The following CACNA1F variants were observed in gnomAD, a reference collection of about 807,000 sequenced individuals.
CACNA1F encodes voltage-dependent L-type calcium channel subunit alpha-1F.
A neutral mutation model predicts 143.8 loss-of-function variants in CACNA1F; 59 were observed. The observed-to-expected ratio is 0.41, with a 90% CI of 0.33 to 0.51. The LOEUF (loss-of-function observed/expected upper bound fraction) is 0.51. Ranked by LOEUF, CACNA1F falls within the 20% of genes least tolerant of loss-of-function variation. CACNA1F has a pLI of 0.22. For missense variants in CACNA1F, 1,411 were observed against 1,647.5 expected (o/e 0.86, Z 2.48); for synonymous variants, 643 against 649.1 (o/e 0.99, Z 0.14).
rs781820775 is a variant in CACNA1F at position 49,212,689 on chromosome X, C to T, written c.3920G>A (p.Trp1307Ter). 1 of 1,209,664 alleles carries T rather than the reference C, an allele frequency of 8.3e-7. No homozygotes were observed. The highest frequency in any genetic ancestry group is 1.8e-5 in the South Asian group (1 of 56,608). Residue 1307 changes from tryptophan (W) to a stop codon, truncating the protein, a stop_gained, in exon 33 of 48, where the codon TGG (tryptophan) becomes TAG (stop). Coordinates refer to ENST00000323022, the MANE Select transcript of CACNA1F (RefSeq NM_001256789.3). LOFTEE classifies it high-confidence loss of function. The part of the protein sequence containing the change: ...SKGEGIRTLL[W>*]TFIKSFQALP... ...TACCTGGAAGGACTTGATGAATGTC[C>T]AGAGCAATGTGCGGATCCCTTCACC...
At chrX:49,209,509 G>A (rs1479913228) in intron 41 of CACNA1F, 116 bp from the exon 42 acceptor site, 28 of 1,120,465 alleles carry the variant, frequency 2.5e-5, no homozygotes, top group Non-Finnish European at 2.9e-5. Context: ...GGCCCTCCGT[G>A]AGGCCTGGGG....
At chrX:49,228,789 G>A (rs1267507986) in intron 6 of CACNA1F, among the ~76,000 whole-genome samples, 1 of 112,137 alleles carries the variant, frequency 8.9e-6, no homozygotes, top group Non-Finnish European at 1.9e-5. Context: ...GGTTGGTCTC[G>A]AACTCCTGAC....
At chrX:49,223,214 G>T in intron 14 of CACNA1F, 78 bp from the exon 15 acceptor site, 1 of 665,628 alleles carries the variant, frequency 1.5e-6, no homozygotes, top group Non-Finnish European at 2.4e-6. Flanking sequence ...CCAGGGCAGG[G>T]CTCCAGCTTG....
At position 49,207,346 on chromosome X, in the gene CACNA1F, C is replaced by A. The variant is rs781811664; in HGVS notation, c.5124-234G>T. On this transcript the variant is annotated intron_variant, in intron 43 of 47. Coordinates refer to ENST00000323022, the MANE Select transcript of CACNA1F (RefSeq NM_001256789.3). The stretch of plus-strand genomic sequence containing the variant: ...AAGTTTCAAAAAAATCAAAGTTGAC[C>A]TGTAGAGAGACACCTTGAACACAAA... Among the ~76,000 whole-genome samples the A allele has an allele frequency of 1.7e-3, 186 of 112,040 alleles. 1 individual carries two copies. The highest frequency in any genetic ancestry group is 5.6e-3 in the African/African-American group (173 of 30,857).
chrX:49,215,459 A>G lies in CACNA1F; in HGVS notation c.3321T>C (p.Ile1107=). Residue 1107 remains isoleucine, a synonymous_variant, in exon 28 of 48, where the codon ATT becomes ATC. Coordinates refer to ENST00000323022, the MANE Select transcript of CACNA1F (RefSeq NM_001256789.3). ...AGAACGCAATGATGATGATGTAGAC[A>G]ATGAAGAACACTGAGATCTCCACAC... ...NYRVEISVFF[I]VYIIIIAFFM... 8.4e-7 allele frequency: 1 copy of G among 1,193,922 alleles called. No individual in the cohort carries two copies. The highest frequency in any genetic ancestry group is 1.1e-6 in the Non-Finnish European group (1 of 884,538).
rs33910054 is a variant in CACNA1F, at chrX:49,205,282, C to T, written c.5756G>A (p.Arg1919His). 0.088 allele frequency: 106,387 copies of T among 1,206,688 alleles called. 3,568 individuals carry two copies. Among genetic ancestry groups the T allele is most frequent in the South Asian group, 0.22 (12,413 of 56,576 alleles). The change falls in exon 48 of 48, where the codon CGC becomes CAC. Residue 1919 changes from arginine to histidine, a missense_variant. By Grantham distance (29) the Arg-to-His change is conservative. This residue lies in a region of CACNA1F where 349 missense variants were observed against 350.2 expected (regional missense o/e 1.00). Coordinates refer to ENST00000323022, the MANE Select transcript of CACNA1F (RefSeq NM_001256789.3). Reference protein sequence around the residue: ...LAKQEIADACRLTLDEMDNAA... With the variant: ...LAKQEIADACHLTLDEMDNAA... ...ATTGTCCATCTCATCCAGCGTCAGG[C>T]GACACGCATCTGCAATCTCCTGCTT...
Position 49,227,047 on chromosome X carries a change from T to G in CACNA1F, c.1199A>C (p.Asp400Ala). ...KQREKQQMEEDLRGYLDWITQ... is the reference protein window; with the variant it reads ...KQREKQQMEEALRGYLDWITQ... ...GATCCAGTCCAGGTAGCCCCGCAGG[T>G]CTTCCTCCATCTGCTGCTTCTCCCG... Residue 400 changes from aspartate to alanine, a missense_variant, in exon 9 of 48, where the codon GAC (aspartate) becomes GCC (alanine). Coordinates refer to ENST00000323022, the MANE Select transcript of CACNA1F (RefSeq NM_001256789.3). 2 of 1,208,318 alleles carry G rather than the reference T, an allele frequency of 1.7e-6. No individual in the cohort carries two copies. The highest frequency in any genetic ancestry group is 1.1e-6 in the Non-Finnish European group (1 of 893,319).
rs201174690 is a variant in CACNA1F at position 49,228,312 on chromosome X, A to G, written c.953T>C (p.Phe318Ser). 1.2e-4 allele frequency: 146 copies of G among 1,210,529 alleles called. No individual in the cohort carries two copies. Among genetic ancestry groups the G allele is most frequent in the Non-Finnish European group, 1.6e-4 (142 of 895,075 alleles). ...GGITNFDNFF[F>S]AMLTVFQCVT... is the part of the protein sequence containing the mutation. ...ACACTGGAAGACTGTCAGCATGGCG[A>G]AGAAGAAGTTGTCAAAGTTGGTGAT... Residue 318 changes from phenylalanine (F) to serine (S), a missense_variant, in exon 7 of 48, where the codon TTC becomes TCC. By Grantham distance (155) the Phe-to-Ser change is radical. Coordinates refer to ENST00000323022, the MANE Select transcript of CACNA1F (RefSeq NM_001256789.3).
rs372947982 is a variant in CACNA1F, at chrX:49,205,325, G to A, written c.5713C>T (p.Arg1905Cys). 14 of 1,206,325 alleles carry A rather than the reference G, an allele frequency of 1.2e-5. No individual in the cohort carries two copies. The highest frequency in any genetic ancestry group is 3.0e-5 in the East Asian group (1 of 33,644). ...TCCTGCTTGGCCAGGGCCACGAAAC[G>A]TGGGTCTCGAGCAAAGAGGCCCAGA... is the stretch of plus-strand genomic sequence containing the variant. Reference protein sequence around the residue: ...EGLGLFARDPRFVALAKQEIA... With the variant: ...EGLGLFARDPCFVALAKQEIA... The change falls in exon 48 of 48, where the codon CGT becomes TGT. Residue 1905 changes from arginine to cysteine, a missense_variant. Transcript: ENST00000323022.
rs1044834788 is a variant in CACNA1F, at chrX:49,226,065, G to A, written c.1495C>T (p.Arg499Cys). 2 of 1,190,219 alleles carry A rather than the reference G, an allele frequency of 1.7e-6. No homozygotes were observed. Among genetic ancestry groups the A allele is most frequent in the East Asian group, 6.1e-5 (2 of 32,642 alleles). Residue 499 changes from arginine to cysteine, a missense_variant, in exon 13 of 48, where the codon CGC (arginine) becomes TGC (cysteine). Physicochemically the swap from Arg to Cys is radical, Grantham distance 180. This residue lies in a region of CACNA1F where 950 missense variants were observed against 1,128.1 expected (regional missense o/e 0.84). Coordinates refer to ENST00000323022, the MANE Select transcript of CACNA1F (RefSeq NM_001256789.3). The part of the protein sequence containing the change: ...NKIMKTRVCR[R>C]LRRANRVLRA... ...AGGACCCGGTTGGCTCGGCGGAGGCGGCGGCTGGGGGAAGGGGAGCCCACA... is the reference window on the plus strand; with the variant it reads ...AGGACCCGGTTGGCTCGGCGGAGGCAGCGGCTGGGGGAAGGGGAGCCCACA...
intron 26 of CACNA1F, 25 bp from the exon 27 acceptor site, chrX:49,216,553 T>A: frequency 8.4e-7 from 1 of 1,192,011 alleles, no homozygotes; most frequent in African/African-American, 1.7e-5. Context: ...ACAGGTTAGA[T>A]GGGTGAGGAG....
chrX:49,206,917 T>C (rs1346922751), intron 44 of CACNA1F, 62 bp from the exon 45 acceptor site: 1 of 1,157,267 alleles, frequency 8.6e-7, no homozygotes, highest in Non-Finnish European at 1.2e-6. Context: ...GCCTGGGAGA[T>C]GGGGCACAAA....
At chrX:49,226,159 G>T in intron 12 of CACNA1F, 58 bp downstream of exon 12, 1 of 1,123,035 alleles carries the variant, frequency 8.9e-7, no homozygotes, top group Non-Finnish European at 1.2e-6. Flanking sequence ...ATGAGGGCTT[G>T]GAGGTGGGGG....
At chrX:49,224,255 G>A (rs1201257434) in intron 14 of CACNA1F, among the ~76,000 whole-genome samples, 1 of 110,779 alleles carries the variant, frequency 9.0e-6, no homozygotes, top group African/African-American at 3.3e-5. Context: ...GGTTAGGGAC[G>A]TGGGAGTTCT....
chrX:49,214,216 G>A lies in CACNA1F; in HGVS notation c.3651C>T (p.Val1217=), dbSNP rs150205903. 3.5e-3 allele frequency: 4,182 copies of A among 1,203,909 alleles called. 12 individuals are homozygous for A. The highest frequency in any genetic ancestry group is 5.0e-3 in the South Asian group (281 of 56,761). The change falls in exon 30 of 48, where the codon GTC becomes GTT. Residue 1217 remains valine, a synonymous_variant. Coordinates refer to ENST00000323022, the MANE Select transcript of CACNA1F (RefSeq NM_001256789.3). ...TCTCAATAGTGAAGAGGCCAGTGAAGACCATGTTGAGGATGTCCATGGCAT... is the reference window on the plus strand; with the variant it reads ...TCTCAATAGTGAAGAGGCCAGTGAAAACCATGTTGAGGATGTCCATGGCAT... The part of the protein sequence containing the change: ...FNYAMDILNM[V]FTGLFTIEMV...
At position 49,223,149 on chromosome X, in the gene CACNA1F, T is replaced by A. The variant is rs782264160; in HGVS notation, c.1878-13A>T. On this transcript the variant is annotated splice_polypyrimidine_tract_variant and intron_variant, in intron 14 of 47. Transcript: ENST00000323022. ...AGAAGCCCAGTGTCTGCAGCAGAAA[T>A]GGGAGGGGGCAGGGTCGATGCCATG... 1.8e-6 allele frequency: 2 copies of A among 1,122,245 alleles called. No homozygotes were observed. Among genetic ancestry groups the A allele is most frequent in the South Asian group, 3.8e-5 (2 of 52,723 alleles). 92.5% of individuals were successfully genotyped at this position (1,122,245 alleles called of 1,213,427 possible).
intron 3 of CACNA1F, 53 bp from the exon 4 acceptor site, chrX:49,231,042 G>T: frequency 9.9e-7 from 1 of 1,006,413 alleles, no homozygotes; most frequent in Non-Finnish European, 1.4e-6. Flanking sequence ...ATTTGAAGGC[G>T]AGGTTTGACG....
chrX:49,228,496 C>A (rs782707196), intron 6 of CACNA1F, 49 bp from the exon 7 acceptor site: 6 of 1,023,351 alleles, frequency 5.9e-6, no homozygotes, highest in Middle Eastern at 3.1e-4. Flanking sequence ...CACTCTCAGT[C>A]GCTGCCACCC....
At chrX:49,214,079 G>A (rs1030467274) in intron 30 of CACNA1F, 80 bp downstream of exon 30, 7 of 737,638 alleles carry the variant, frequency 9.5e-6, no homozygotes, top group Non-Finnish European at 1.3e-5. Flanking sequence ...TGCCCGCATC[G>A]CCAACCCCAG....
Sources: allele counts gnomAD v4.1 joint callset (sites outside exome capture counted in the v4.1 genomes callset), GRCh38; gene constraint gnomAD v4.1.1; regional missense constraint gnomAD v4.1.1; transcripts MANE v1.5; gene names NCBI Gene and HGNC (gene_info 2026-07-23, HGNC 2026-07-21).